The following CD58 variants were observed in gnomAD, a reference collection of about 807,000 sequenced individuals.
The protein encoded by CD58 is lymphocyte function-associated antigen 3.
In CD58, 14 loss-of-function variants were observed where a neutral mutation model predicts 27.6. The ratio of observed to expected loss-of-function variants is 0.51; its 90% CI spans 0.34 to 0.79. CD58 has a LOEUF of 0.79. CD58 is among the 30% of genes least tolerant of loss of function. The probability of loss-of-function intolerance (pLI) is 0.02; values close to 1 mark genes in which losing one functional copy is unlikely to be tolerated. For synonymous variants in CD58, 117 were observed against 103.8 expected (o/e 1.13, Z -0.77); for missense variants, 268 against 301.7 (o/e 0.89, Z 0.83).
intron 1 of CD58, among the ~76,000 whole-genome samples, chr1:116,568,455 G>C (rs1206690787): frequency 6.6e-6 from 1 of 152,102 alleles, no homozygotes; most frequent in East Asian, 1.9e-4. Context: ...ACCCTAAACT[G>C]AAGTATTAAC....
At position 116,522,658 on chromosome 1, in the gene CD58, G is replaced by A. The variant is rs1267741037; in HGVS notation, c.629-675C>T. ...AGAACTAATATGAATAACAAGATTC[G>A]ACTATTTCTAAACAAACTTATATGC... On this transcript the variant is annotated intron_variant, in intron 3 of 5. Coordinates refer to ENST00000369489, the MANE Select transcript of CD58 (RefSeq NM_001779.3). The surrounding 1 kb of genome is among the most constrained non-coding windows in gnomAD (Gnocchi z 4.6). 6.6e-6 allele frequency among the ~76,000 whole-genome samples: 1 copy of A among 152,042 alleles called. No individual in the cohort carries two copies. The highest frequency in any genetic ancestry group is 1.5e-5 in the Non-Finnish European group (1 of 68,012).
chr1:116,560,561 T>G (rs1354837162), intron 1 of CD58, among the ~76,000 whole-genome samples: 1 of 152,204 alleles, frequency 6.6e-6, no homozygotes, highest in Non-Finnish European at 1.5e-5. Flanking sequence ...TGAATGTGTA[T>G]GTTAAACTTC....
intron 3 of CD58, among the ~76,000 whole-genome samples, chr1:116,525,171 T>G (rs1415485674): frequency 6.6e-6 from 1 of 152,252 alleles, no homozygotes; most frequent in Non-Finnish European, 1.5e-5. Context: ...CAGAGTATTT[T>G]CACTGCCCCC....
Position 116,541,770 on chromosome 1 carries a change from G to A in CD58, c.364+2541C>T, listed in dbSNP as rs920772246. On this transcript the variant is annotated intron_variant, in intron 2 of 5. Transcript: ENST00000369489. The surrounding 1 kb of genome is among the most constrained non-coding windows in gnomAD (Gnocchi z 5.3). ...GTCAGGTATACACATAAGGAGCTCGGCGGGGTACTCTGGGCTAGAGCTCTA... is the reference window on the plus strand; with the variant it reads ...GTCAGGTATACACATAAGGAGCTCGACGGGGTACTCTGGGCTAGAGCTCTA... Among the ~76,000 whole-genome samples the A allele has an allele frequency of 6.6e-6, 1 of 152,172 alleles. No individual in the cohort carries two copies. Among genetic ancestry groups the A allele is most frequent in the African/African-American group, 2.4e-5 (1 of 41,428 alleles).
chr1:116,528,981 T>C lies in CD58; in HGVS notation c.628+6984A>G, dbSNP rs574511254. On this transcript the variant is annotated intron_variant, in intron 3 of 5. Coordinates refer to ENST00000369489, the MANE Select transcript of CD58 (RefSeq NM_001779.3). This position sits in a 1 kb window ranked among gnomAD's most constrained non-coding sequence, Gnocchi z 4.4. Reference sequence around the variant, plus strand: ...GTCCTCTCTTGAAACTCTTCCTGTATCCTGAATAACAACTAGCAGTTTTAT... The same window carrying C: ...GTCCTCTCTTGAAACTCTTCCTGTACCCTGAATAACAACTAGCAGTTTTAT... 6.6e-6 allele frequency among the ~76,000 whole-genome samples: 1 copy of C among 152,340 alleles called. No individual in the cohort carries two copies. The highest frequency in any genetic ancestry group is 2.1e-4 in the South Asian group (1 of 4,830).
In CD58 at chr1:116,524,995, A is replaced by C. The variant is rs951733427; in HGVS notation, c.629-3012T>G. 5.9e-5 allele frequency among the ~76,000 whole-genome samples: 9 copies of C among 152,248 alleles called. No individual in the cohort carries two copies. Among genetic ancestry groups the C allele is most frequent in the Non-Finnish European group, 1.0e-4 (7 of 68,040 alleles). On this transcript the variant is annotated intron_variant, in intron 3 of 5. Coordinates refer to ENST00000369489, the MANE Select transcript of CD58 (RefSeq NM_001779.3). The surrounding 1 kb of genome is among the most constrained non-coding windows in gnomAD (Gnocchi z 4.6). ...ATACATCCTGCCCCTACACATGCATAGCCTCCCCATTATCAATATCCCTCA... is the reference window on the plus strand; with the variant it reads ...ATACATCCTGCCCCTACACATGCATCGCCTCCCCATTATCAATATCCCTCA...
At chr1:116,560,971 T>C (rs1658732083) in intron 1 of CD58, among the ~76,000 whole-genome samples, 1 of 152,200 alleles carries the variant, frequency 6.6e-6, no homozygotes, top group African/African-American at 2.4e-5. Context: ...TAAAACCTTC[T>C]GGTCACCCCT....
At chr1:116,548,068 T>C (rs765948480) in intron 1 of CD58, among the ~76,000 whole-genome samples, 10 of 152,262 alleles carry the variant, frequency 6.6e-5, no homozygotes, top group Non-Finnish European at 1.0e-4. Context: ...TTGAGCATTT[T>C]TTCATATGTT....
At chr1:116,518,454 C>T (rs988721928) in intron 5 of CD58, among the ~76,000 whole-genome samples, 3 of 152,058 alleles carry the variant, frequency 2.0e-5, no homozygotes, top group East Asian at 1.9e-4. Context: ...GAAAACTCTG[C>T]GGTTCTCCCT....
rs1458941574 is a variant in CD58 at position 116,523,849 on chromosome 1, CTCTT to C, written c.629-1870_629-1867del. Among the ~76,000 whole-genome samples, 18 of 152,332 alleles carry C rather than the reference CTCTT, an allele frequency of 1.2e-4. No individual in the cohort carries two copies. The highest frequency in any genetic ancestry group is 1.5e-4 in the Non-Finnish European group (10 of 68,032). ...ATAGGAAAAGCAGCATTTGATTCTT[CTCTT>C]TCTTTATCGTTTTTCAAAATAATGA... On this transcript the variant is annotated intron_variant, in intron 3 of 5. Coordinates refer to ENST00000369489, the MANE Select transcript of CD58 (RefSeq NM_001779.3). This position sits in a 1 kb window ranked among gnomAD's most constrained non-coding sequence, Gnocchi z 4.4.
chr1:116,532,686 A>T lies in CD58; in HGVS notation c.628+3279T>A, dbSNP rs1289692613. Among the ~76,000 whole-genome samples, 3 of 152,212 alleles carry T rather than the reference A, an allele frequency of 2.0e-5. No homozygotes were observed. In the South Asian group the frequency reaches 6.2e-4, roughly 31 times the overall value. ...GAAGGGTCCAGGCAAGTCCAGAGCT[A>T]CAGGCACCAAGGCTGCAGAGGGTAT... On this transcript the variant is annotated intron_variant, in intron 3 of 5. Transcript: ENST00000369489. This position sits in a 1 kb window ranked among gnomAD's most constrained non-coding sequence, Gnocchi z 5.1.
rs576092518 is a variant in CD58 at position 116,570,648 on chromosome 1, G to A, written c.70+255C>T. Among the ~76,000 whole-genome samples, 337 of 152,236 alleles carry A rather than the reference G, an allele frequency of 2.2e-3. 3 individuals are homozygous for A. The highest frequency in any genetic ancestry group is 7.4e-3 in the African/African-American group (306 of 41,550). On this transcript the variant is annotated intron_variant, in intron 1 of 5. Coordinates refer to ENST00000369489, the MANE Select transcript of CD58 (RefSeq NM_001779.3). This position sits in a 1 kb window ranked among gnomAD's most constrained non-coding sequence, Gnocchi z 6.4. ...GCGGGGGGGCGCAGGCCCCGCAGGAGAGGCTAGCGGGCCGGAGCCCGTCCT... is the reference window on the plus strand; with the variant it reads ...GCGGGGGGGCGCAGGCCCCGCAGGAAAGGCTAGCGGGCCGGAGCCCGTCCT...
Position 116,522,114 on chromosome 1 carries a change from A to T in CD58, c.629-131T>A. On this transcript the variant is annotated intron_variant, in intron 3 of 5. Transcript: ENST00000369489. The surrounding 1 kb of genome is among the most constrained non-coding windows in gnomAD (Gnocchi z 4.6). The stretch of plus-strand genomic sequence containing the variant: ...TTGTAATCCACAAATCAATACCCAA[A>T]GCAGTCATTCTCAGACATAAGAACA... 1.7e-6 allele frequency: 1 copy of T among 578,288 alleles called. No homozygotes were observed. Among genetic ancestry groups the T allele is most frequent in the African/African-American group, 1.9e-5 (1 of 53,196 alleles). 35.8% of individuals were successfully genotyped at this position (578,288 alleles called of 1,614,324 possible). A position where few individuals can be genotyped will look rare whatever the true frequency, so the allele number is the denominator to read the frequency against.
At chr1:116,545,296 C>G (rs1658131861) in intron 1 of CD58, among the ~76,000 whole-genome samples, 1 of 152,202 alleles carries the variant, frequency 6.6e-6, no homozygotes. Flanking sequence ...AGGTTTTTAA[C>G]AAGACTGGCC....
In CD58 at chr1:116,516,977, G is replaced by A. The variant is rs1420897065; in HGVS notation, c.744-2155C>T. On this transcript the variant is annotated intron_variant, in intron 5 of 5. Coordinates refer to ENST00000369489, the MANE Select transcript of CD58 (RefSeq NM_001779.3). This position sits in a 1 kb window ranked among gnomAD's most constrained non-coding sequence, Gnocchi z 6.1. ...ATCAGCTAGCACAGTGCCTGGTATCGCATAATCTCCATAACGTTTGTTGTG... is the reference window on the plus strand; with the variant it reads ...ATCAGCTAGCACAGTGCCTGGTATCACATAATCTCCATAACGTTTGTTGTG... Among the ~76,000 whole-genome samples the A allele has an allele frequency of 2.1e-4, 32 of 152,026 alleles. No homozygotes were observed. The highest frequency in any genetic ancestry group is 2.0e-3 in the Admixed American group (30 of 15,266).
chr1:116,519,227 T>G lies in CD58; in HGVS notation c.743+4A>C. 6.2e-7 allele frequency: 1 copy of G among 1,612,904 alleles called. No homozygotes were observed. The highest frequency in any genetic ancestry group is 8.5e-7 in the Non-Finnish European group (1 of 1,179,430). On this transcript the variant is annotated splice_donor_region_variant and intron_variant, in intron 5 of 5. Transcript: ENST00000369489. The surrounding 1 kb of genome is among the most constrained non-coding windows in gnomAD (Gnocchi z 4.7). ...ACAGAGTGCACAGCCTGCAGTGTACTTACTTGGTTCTGTCTGGTTTTCTGT... is the reference window on the plus strand; with the variant it reads ...ACAGAGTGCACAGCCTGCAGTGTACGTACTTGGTTCTGTCTGGTTTTCTGT...
intron 2 of CD58, among the ~76,000 whole-genome samples, chr1:116,543,149 T>C (rs1235593234): frequency 2.0e-5 from 3 of 152,084 alleles, no homozygotes; most frequent in Non-Finnish European, 4.4e-5. Context: ...CATGCGAGTA[T>C]GACAAGCCAG....
chr1:116,536,240 A>T lies in CD58; in HGVS notation c.365-12T>A. 1 of 1,593,698 alleles carries T rather than the reference A, an allele frequency of 6.3e-7. No homozygotes were observed. Among genetic ancestry groups the T allele is most frequent in the Non-Finnish European group, 8.6e-7 (1 of 1,167,558 alleles). ...AGATGGAAGAGACTCTGGAAAAAAA[A>T]GTATAATATTTAGTACAGAAAATAG... On this transcript the variant is annotated splice_polypyrimidine_tract_variant and intron_variant, in intron 2 of 5. Transcript: ENST00000369489. The surrounding 1 kb of genome is among the most constrained non-coding windows in gnomAD (Gnocchi z 5.4).
At chr1:116,540,029 C>T (rs1207800944) in intron 2 of CD58, among the ~76,000 whole-genome samples, 12 of 152,098 alleles carry the variant, frequency 7.9e-5, no homozygotes, top group Non-Finnish European at 1.2e-4. Flanking sequence ...CAATCCAGCC[C>T]AGTTAAGGAC....
Sources: allele counts gnomAD v4.1 joint callset (sites outside exome capture counted in the v4.1 genomes callset), GRCh38; gene constraint gnomAD v4.1.1; non-coding constraint Gnocchi (gnomAD v3.1); transcripts MANE v1.5; gene names NCBI Gene and HGNC (gene_info 2026-07-23, HGNC 2026-07-21).